Variants in WDR41 observed in about 807,000 individuals in gnomAD.
The protein encoded by WDR41 is WD repeat domain 41, also known as WD repeat-containing protein 41.
WDR41 carries 63 observed loss-of-function variants against 69.3 expected under a neutral mutation model. That is an observed-to-expected ratio of 0.91 (90% CI 0.74 to 1.12). WDR41 has a LOEUF of 1.12. WDR41 is among the 50% of genes most tolerant of loss of function. WDR41 has a pLI of 0.00. For synonymous variants in WDR41, 185 were observed against 192.1 expected (o/e 0.96, Z 0.31); for missense variants, 543 against 534.5 (o/e 1.02, Z -0.16).
chr5:77,472,824 T>C (rs373419489), intron 2 of WDR41, among the ~76,000 whole-genome samples: 5 of 151,906 alleles, frequency 3.3e-5, no homozygotes, highest in Admixed American at 6.6e-5. Context: ...AGAATCAATA[T>C]CGTGAAAATG....
intron 1 of WDR41, among the ~76,000 whole-genome samples, chr5:77,516,315 C>T (rs1440888954): frequency 6.6e-6 from 1 of 152,102 alleles, no homozygotes; most frequent in African/African-American, 2.4e-5. Flanking sequence ...TGTCATGATG[C>T]TTCTAAGCTG....
chr5:77,493,457 A>G (rs776809027), upstream of WDR41, among the ~76,000 whole-genome samples: 3 of 152,170 alleles, frequency 2.0e-5, no homozygotes, highest in Admixed American at 6.5e-5. Context: ...CCAGTCACCA[A>G]TAAGAGAGAG....
chr5:77,515,038 A>G (rs1467624453), intron 1 of WDR41, among the ~76,000 whole-genome samples: 2 of 152,212 alleles, frequency 1.3e-5, no homozygotes, highest in Admixed American at 1.3e-4. Flanking sequence ...TTGTATACTT[A>G]GGTTACACTA....
intron 1 of WDR41, among the ~76,000 whole-genome samples, chr5:77,596,320 G>A (rs1423131806): frequency 6.6e-6 from 1 of 152,080 alleles, no homozygotes; most frequent in Non-Finnish European, 1.5e-5. Context: ...GCTAAGTTTT[G>A]TGTTTTTAGT....
intron 1 of WDR41, among the ~76,000 whole-genome samples, chr5:77,550,518 C>T (rs975544218): frequency 4.6e-5 from 7 of 152,086 alleles, no homozygotes; most frequent in African/African-American, 1.7e-4. Flanking sequence ...AAATGCAAAT[C>T]AAATCCATGA....
At chr5:77,436,752 T>G (rs1435591558) in intron 11 of WDR41, among the ~76,000 whole-genome samples, 1 of 152,268 alleles carries the variant, frequency 6.6e-6, no homozygotes, top group South Asian at 2.1e-4. Context: ...AAAAGCTGTA[T>G]ATGTATGTGC....
At chr5:77,579,510 G>A (rs976536881) in intron 1 of WDR41, among the ~76,000 whole-genome samples, 1 of 151,946 alleles carries the variant, frequency 6.6e-6, no homozygotes, top group African/African-American at 2.4e-5. Context: ...CCATAAGATA[G>A]TAGAACAACA....
intron 6 of WDR41, chr5:77,451,583 G>T: frequency 2.3e-6 from 1 of 436,712 alleles, no homozygotes. Context: ...ATATGGGGTT[G>T]GGTTTTTTTG....
chr5:77,604,314 C>CTTTGT (rs1484939621), intron 1 of WDR41, among the ~76,000 whole-genome samples: 6 of 151,978 alleles, frequency 3.9e-5, no homozygotes, highest in Non-Finnish European at 5.9e-5. Context: ...TTATTCCTGC[C>CTTTGT]TTTGTTTTGT....
At chr5:77,485,530 C>A (rs1261734954) in intron 2 of WDR41, among the ~76,000 whole-genome samples, 1 of 152,130 alleles carries the variant, frequency 6.6e-6, no homozygotes, top group East Asian at 1.9e-4. Context: ...CCTACATAAC[C>A]TTGTCTGTTT....
chr5:77,541,487 CTTTTTT>C (rs11335010), intron 1 of WDR41, among the ~76,000 whole-genome samples: 1 of 97,828 alleles, frequency 1.0e-5, no homozygotes. Flanking sequence ...AAAAGGAATT[CTTTTTT>C]TTTTTTTTTT....
chr5:77,529,315 A>C (rs756545354), intron 1 of WDR41, among the ~76,000 whole-genome samples: 1 of 151,472 alleles, frequency 6.6e-6, no homozygotes, highest in Non-Finnish European at 1.5e-5. Flanking sequence ...ATAAATCTAA[A>C]AACTTGTAAA....
intron 2 of WDR41, among the ~76,000 whole-genome samples, chr5:77,484,785 C>A (rs1383587500): frequency 6.6e-6 from 1 of 152,150 alleles, no homozygotes; most frequent in African/African-American, 2.4e-5. Context: ...GCCTTCCAGA[C>A]CCCCTTTCAA....
At chr5:77,515,925 G>T (rs149643114) in intron 1 of WDR41, among the ~76,000 whole-genome samples, 1 of 152,146 alleles carries the variant, frequency 6.6e-6, no homozygotes, top group African/African-American at 2.4e-5. Flanking sequence ...CATATTGGAC[G>T]TTTAGATTGT....
chr5:77,618,663 A>G (rs2112353492), intron 1 of WDR41, among the ~76,000 whole-genome samples: 1 of 152,304 alleles, frequency 6.6e-6, no homozygotes, highest in South Asian at 2.1e-4. Context: ...GTGAGCCACC[A>G]CACTCAGCCT....
chr5:77,542,024 T>A (rs2112225917), intron 1 of WDR41, among the ~76,000 whole-genome samples: 1 of 152,070 alleles, frequency 6.6e-6, no homozygotes, highest in Non-Finnish European at 1.5e-5. Flanking sequence ...TCAGCCTAAA[T>A]CCCCATCAAT....
intron 3 of WDR41, among the ~76,000 whole-genome samples, chr5:77,463,839 G>C (rs1030088380): frequency 1.3e-5 from 2 of 152,152 alleles, no homozygotes; most frequent in Non-Finnish European, 2.9e-5. Flanking sequence ...CAAGATTGCA[G>C]GACTTCGTGA....
intron 1 of WDR41, among the ~76,000 whole-genome samples, chr5:77,512,331 T>TGAGA (rs764631325): frequency 0.052 from 4,491 of 86,642 alleles, 185 homozygotes; most frequent in South Asian, 0.12. Flanking sequence ...ATGGGGTGAG[T>TGAGA]GAGAGAGAGA....
intron 2 of WDR41, among the ~76,000 whole-genome samples, chr5:77,486,750 T>A (rs530630288): frequency 1.3e-5 from 2 of 152,082 alleles, no homozygotes; most frequent in Non-Finnish European, 2.9e-5. Context: ...GAGGCATAAG[T>A]GAATCTAGCC....
Sources: allele counts gnomAD v4.1 joint callset (sites outside exome capture counted in the v4.1 genomes callset), GRCh38; gene constraint gnomAD v4.1.1; transcripts MANE v1.5; gene names NCBI Gene and HGNC (gene_info 2026-07-23, HGNC 2026-07-21).